Variants in CDH4 observed in about 807,000 individuals in gnomAD.
The protein encoded by CDH4 is cadherin-4.
Under a neutral mutation model 86.0 loss-of-function variants are expected in CDH4, and 33 were observed. That is an observed-to-expected ratio of 0.38 (90% CI 0.29 to 0.51). The LOEUF (loss-of-function observed/expected upper bound fraction) is 0.51. CDH4 is among the 20% of genes least tolerant of loss of function. The probability of loss-of-function intolerance (pLI) is 0.86; values close to 1 mark genes in which losing one functional copy is unlikely to be tolerated. For missense variants in CDH4, 1,114 were observed against 1,307.4 expected (o/e 0.85, Z 2.28); for synonymous variants, 555 against 549.4 (o/e 1.01, Z -0.14).
chr20:61,402,610 C>G (rs1225340420), intron 2 of CDH4, among the ~76,000 whole-genome samples: 1 of 152,196 alleles, frequency 6.6e-6, no homozygotes, highest in Non-Finnish European at 1.5e-5. Context: ...AGGCCGGTCT[C>G]AAACTCTTGA....
intron 2 of CDH4, among the ~76,000 whole-genome samples, chr20:61,357,073 A>G (rs2084754350): frequency 2.0e-5 from 3 of 152,160 alleles, no homozygotes; most frequent in Admixed American, 2.0e-4. Context: ...GCGGGGTGCC[A>G]GGTTAACATG....
At chr20:61,286,817 G>C (rs1426933349) in intron 2 of CDH4, among the ~76,000 whole-genome samples, 2 of 152,222 alleles carry the variant, frequency 1.3e-5, no homozygotes, top group African/African-American at 4.8e-5. Context: ...GACATCCTCT[G>C]GGACTTTGTT....
At chr20:61,731,390 G>A (rs1048606611) in intron 2 of CDH4, among the ~76,000 whole-genome samples, 2 of 152,160 alleles carry the variant, frequency 1.3e-5, no homozygotes, top group Admixed American at 6.5e-5. Context: ...CTGCAGCCCT[G>A]CATGAGATCC....
In CDH4 at chr20:61,936,774, C is replaced by G; in HGVS notation, c.2582C>G (p.Pro861Arg). Residue 861 changes from proline to arginine, a missense_variant, in exon 16 of 16, where the codon CCC (proline) becomes CGC (arginine). This residue lies in a region of CDH4 where 188 missense variants were observed against 183.8 expected (regional missense o/e 1.02). Transcript: ENST00000614565. ...GCTGACAACGACCCCACGGCACCCC[C>G]CTATGACTCCCTGCTGGTCTTCGAC... Reference protein sequence around the residue: ...RAADNDPTAPPYDSLLVFDYE... With the variant: ...RAADNDPTAPRYDSLLVFDYE... The G allele has an allele frequency of 1.9e-6, 3 of 1,609,840 alleles. No individual in the cohort carries two copies. Among genetic ancestry groups the G allele is most frequent in the South Asian group, 1.1e-5 (1 of 90,494 alleles).
intron 9 of CDH4, among the ~76,000 whole-genome samples, chr20:61,918,290 A>G (rs2054927928): frequency 6.6e-6 from 1 of 152,222 alleles, no homozygotes; most frequent in East Asian, 1.9e-4. Context: ...GCTTGCAGTC[A>G]GCTTGGGCTG....
intron 2 of CDH4, among the ~76,000 whole-genome samples, chr20:61,680,936 G>A (rs966831098): frequency 2.6e-5 from 4 of 152,162 alleles, no homozygotes; most frequent in Admixed American, 6.5e-5. Context: ...ACAGCAGGTG[G>A]CTCAGAGGCT....
At chr20:61,382,858 G>A (rs2084911949) in intron 2 of CDH4, among the ~76,000 whole-genome samples, 1 of 148,416 alleles carries the variant, frequency 6.7e-6, no homozygotes. Flanking sequence ...GATCCTTAAT[G>A]TCATTACATC....
intron 6 of CDH4, among the ~76,000 whole-genome samples, chr20:61,856,230 C>T (rs188934444): frequency 3.4e-4 from 52 of 152,308 alleles, no homozygotes; most frequent in African/African-American, 1.1e-3. Context: ...GTTTCAGATG[C>T]GTGTTCTAAT....
chr20:61,353,507 T>G (rs1295627682), intron 2 of CDH4, among the ~76,000 whole-genome samples: 2 of 151,842 alleles, frequency 1.3e-5, no homozygotes, highest in Admixed American at 6.6e-5. Context: ...AATATAATCT[T>G]CACAGAAAAC....
At chr20:61,363,869 A>T (rs537735905) in intron 2 of CDH4, among the ~76,000 whole-genome samples, 5 of 152,346 alleles carry the variant, frequency 3.3e-5, no homozygotes, top group South Asian at 4.1e-4. Context: ...TTTCAACTTC[A>T]TGATGATGTG....
At chr20:61,538,520 G>A (rs149756422) in intron 2 of CDH4, among the ~76,000 whole-genome samples, 170 of 152,186 alleles carry the variant, frequency 1.1e-3, no homozygotes, top group African/African-American at 3.8e-3. Context: ...GTGTACTTTC[G>A]CCTGGCCTTC....
At chr20:61,858,590 C>T (rs1295094555) in intron 6 of CDH4, among the ~76,000 whole-genome samples, 1 of 152,126 alleles carries the variant, frequency 6.6e-6, no homozygotes, top group East Asian at 1.9e-4. Context: ...TCCCATCAAC[C>T]CTAACCTGTG....
chr20:61,817,119 G>A (rs913308438), intron 4 of CDH4, among the ~76,000 whole-genome samples: 24 of 152,188 alleles, frequency 1.6e-4, no homozygotes, highest in Admixed American at 1.0e-3. Flanking sequence ...CCAGCCAACC[G>A]CTGGTCCTCT....
intron 2 of CDH4, among the ~76,000 whole-genome samples, chr20:61,685,940 A>T (rs1416005055): frequency 6.6e-6 from 1 of 152,226 alleles, no homozygotes; most frequent in East Asian, 1.9e-4. Context: ...TGGAAGGGAA[A>T]GCTCTTCTTT....
In CDH4 at chr20:61,624,931, CAGAT is replaced by C. The variant is rs751389232; in HGVS notation, c.170-118628_170-118625del. On this transcript the variant is annotated intron_variant, in intron 2 of 15. Transcript: ENST00000614565. ...ACCTGCAGCATAGGAGGCCAGGAAA[CAGAT>C]AGAGCAGTTGACTGGGGCCACAGAA... 5.3e-5 allele frequency among the ~76,000 whole-genome samples: 8 copies of C among 152,340 alleles called. No individual in the cohort carries two copies. In the East Asian group the frequency reaches 5.8e-4, roughly 11 times the overall value.
chr20:61,853,838 G>A (rs1364510959), intron 6 of CDH4, among the ~76,000 whole-genome samples: 2 of 152,184 alleles, frequency 1.3e-5, no homozygotes, highest in Non-Finnish European at 2.9e-5. Context: ...GGGTGGAGAG[G>A]GGTCCTCTTT....
chr20:61,538,219 C>T (rs7262667), intron 2 of CDH4, among the ~76,000 whole-genome samples: 80,239 of 151,252 alleles, frequency 0.53, 24,922 homozygotes, highest in African/African-American at 0.85. Context: ...TTCCTTTGAA[C>T]CTCTTCTGGT....
chr20:61,867,548 CAAA>C (rs3079324), intron 6 of CDH4, among the ~76,000 whole-genome samples: 9 of 88,026 alleles, frequency 1.0e-4, no homozygotes, highest in African/African-American at 3.3e-4. Flanking sequence ...AGACTCCATC[CAAA>C]AAAAAAAAAA....
Position 61,411,258 on chromosome 20 carries a change from A to G in CDH4, c.169+156321A>G, listed in dbSNP as rs966308143. Among the ~76,000 whole-genome samples the G allele has an allele frequency of 6.7e-5, 10 of 150,086 alleles. No individual in the cohort carries two copies. The Admixed American group carries it at 6.7e-4, about 10-fold the overall frequency. ...TGTTCATTCTTCACCACCCTGTACC[A>G]CCATGGAAAAGGGGGAACTGTGTAG... On this transcript the variant is annotated intron_variant, in intron 2 of 15. Transcript: ENST00000614565.
Sources: gnomAD v4.1 joint callset for allele counts (sites outside exome capture counted in the v4.1 genomes callset) on GRCh38, gnomAD v4.1.1 for gene constraint, gnomAD v4.1.1 regional missense constraint, MANE v1.5 for transcripts, NCBI Gene and HGNC (gene_info 2026-07-23, HGNC 2026-07-21) for gene names.